Variants in ZSWIM5 observed in about 807,000 individuals in gnomAD.
The protein encoded by ZSWIM5 is zinc finger SWIM domain-containing protein 5.
ZSWIM5 carries 55 observed loss-of-function variants against 119.6 expected under a neutral mutation model. That is an observed-to-expected ratio of 0.46 (90% confidence interval 0.37 to 0.58). The LOEUF (loss-of-function observed/expected upper bound fraction) is 0.58. Among genes scored for constraint, ZSWIM5 ranks in the 20% least tolerant of loss-of-function variants. The pLI, the probability that ZSWIM5 is intolerant of heterozygous loss-of-function variation, is 0.00. For synonymous variants in ZSWIM5, 537 were observed against 606.9 expected (o/e 0.88, Z 1.69); for missense variants, 1,193 against 1,512.8 (o/e 0.79, Z 3.51).
At position 45,136,689 on chromosome 1, in the gene ZSWIM5, C is replaced by G. The variant is rs6667488; in HGVS notation, c.596-48452G>C. Among the ~76,000 whole-genome samples, 1,507 of 152,252 alleles carry G rather than the reference C, an allele frequency of 9.9e-3. 30 individuals are homozygous for G. Among genetic ancestry groups the G allele is most frequent in the African/African-American group, 0.035 (1,445 of 41,542 alleles). ...CACGTTACCTTCCTCCAAAAATTTA[C>G]TCTTCTTATTTGACAGGCAATTAAG... On this transcript the variant is annotated intron_variant, in intron 1 of 13. Coordinates refer to ENST00000359600, the MANE Select transcript of ZSWIM5 (RefSeq NM_020883.2).
chr1:45,152,028 T>C (rs900162146), intron 1 of ZSWIM5, among the ~76,000 whole-genome samples: 1 of 152,188 alleles, frequency 6.6e-6, no homozygotes, highest in Non-Finnish European at 1.5e-5. Flanking sequence ...AGATGTCTAA[T>C]TCAAGGAAGC....
intron 2 of ZSWIM5, among the ~76,000 whole-genome samples, chr1:45,084,740 C>T (rs1409361705): frequency 1.3e-5 from 2 of 152,244 alleles, no homozygotes; most frequent in Admixed American, 6.5e-5. Context: ...CTCACATCCA[C>T]GTGACAGTGA....
At chr1:45,056,335 G>A (rs1460367980) in intron 4 of ZSWIM5, among the ~76,000 whole-genome samples, 1 of 152,170 alleles carries the variant, frequency 6.6e-6, no homozygotes, top group Non-Finnish European at 1.5e-5. Flanking sequence ...ACTCACGCCT[G>A]TAATCTCAAC....
Position 45,197,323 on chromosome 1 carries a change from G to C in ZSWIM5, c.595+8433C>G, listed in dbSNP as rs111980235. ...CACAAACTCCATTCCCTTCTACTTT[G>C]ATCTACTGATCAAACCACTGATCTA... is the stretch of plus-strand genomic sequence containing the variant. On this transcript the variant is annotated intron_variant, in intron 1 of 13. Coordinates refer to ENST00000359600, the MANE Select transcript of ZSWIM5 (RefSeq NM_020883.2). Among the ~76,000 whole-genome samples, 1,124 of 152,128 alleles carry C rather than the reference G, an allele frequency of 7.4e-3. 13 individuals are homozygous for C. Among genetic ancestry groups the C allele is most frequent in the African/African-American group, 0.026 (1,078 of 41,456 alleles).
At chr1:45,193,931 CAT>C (rs899790517) in intron 1 of ZSWIM5, among the ~76,000 whole-genome samples, 1 of 139,022 alleles carries the variant, frequency 7.2e-6, no homozygotes, top group East Asian at 2.2e-4. Flanking sequence ...CATATGTGTG[CAT>C]ATGTGTATAT....
At chr1:45,175,369 T>C (rs1241909889) in intron 1 of ZSWIM5, among the ~76,000 whole-genome samples, 2 of 152,120 alleles carry the variant, frequency 1.3e-5, no homozygotes, top group Non-Finnish European at 2.9e-5. Context: ...GTTACCTTTT[T>C]CCCCTTATAA....
chr1:45,099,667 G>A (rs1270813315), intron 1 of ZSWIM5, among the ~76,000 whole-genome samples: 1 of 152,198 alleles, frequency 6.6e-6, no homozygotes, highest in African/African-American at 2.4e-5. Flanking sequence ...CTGGCAAACC[G>A]AATCCAGCAG....
At chr1:45,064,400 A>T (rs1379579146) in intron 2 of ZSWIM5, among the ~76,000 whole-genome samples, 1 of 152,210 alleles carries the variant, frequency 6.6e-6, no homozygotes, top group African/African-American at 2.4e-5. Context: ...TGTCAGGCTC[A>T]TCACAGCACT....
At chr1:45,036,386 G>A in intron 8 of ZSWIM5, 87 bp from the exon 9 acceptor site, 1 of 1,486,740 alleles carries the variant, frequency 6.7e-7, no homozygotes, top group Non-Finnish European at 8.9e-7. Context: ...ACAGAGTCTT[G>A]CTCTGTTGTC....
At chr1:45,204,286 AAAAATTAAAATTTACAGACTAATAGG>A (rs1168795927) in intron 1 of ZSWIM5, among the ~76,000 whole-genome samples, 1 of 152,196 alleles carries the variant, frequency 6.6e-6, no homozygotes, top group Non-Finnish European at 1.5e-5. Context: ...CGAAACTCAG[AAAAATTAAAATTTACAGACTAATAGG>A]AAAATGATTG....
At chr1:45,164,985 C>T (rs999926052) in intron 1 of ZSWIM5, among the ~76,000 whole-genome samples, 10 of 152,236 alleles carry the variant, frequency 6.6e-5, no homozygotes, top group East Asian at 1.9e-4. Context: ...ATCTACAGAA[C>T]TCTCCACCCC....
intron 1 of ZSWIM5, among the ~76,000 whole-genome samples, chr1:45,189,218 G>A (rs1241101544): frequency 1.3e-5 from 2 of 152,004 alleles, no homozygotes; most frequent in Non-Finnish European, 2.9e-5. Context: ...GGGAGGCTGA[G>A]GCAGGAGAAT....
chr1:45,119,892 G>A (rs1021459453), intron 1 of ZSWIM5, among the ~76,000 whole-genome samples: 2 of 152,184 alleles, frequency 1.3e-5, no homozygotes, highest in East Asian at 1.9e-4. Context: ...TTGTTCTACC[G>A]ACAAAATTAT....
intron 1 of ZSWIM5, among the ~76,000 whole-genome samples, chr1:45,100,128 T>A (rs1043472690): frequency 3.9e-5 from 6 of 152,206 alleles, no homozygotes; most frequent in African/African-American, 1.4e-4. Flanking sequence ...GCAGATGACA[T>A]GGGTGTATAT....
At chr1:45,181,005 G>C (rs1056381409) in intron 1 of ZSWIM5, among the ~76,000 whole-genome samples, 2 of 152,068 alleles carry the variant, frequency 1.3e-5, no homozygotes, top group Admixed American at 6.6e-5. Flanking sequence ...AGAAAAACTG[G>C]AAACTCTAAA....
intron 1 of ZSWIM5, among the ~76,000 whole-genome samples, chr1:45,125,910 T>A (rs1035535107): frequency 6.1e-5 from 9 of 148,290 alleles, no homozygotes; most frequent in Non-Finnish European, 1.0e-4. Context: ...TACAAAAAAA[T>A]TTTAAAAATT....
intron 1 of ZSWIM5, among the ~76,000 whole-genome samples, chr1:45,097,217 A>T (rs1355450527): frequency 2.0e-5 from 3 of 152,212 alleles, no homozygotes; most frequent in Non-Finnish European, 4.4e-5. Context: ...AGGCTGGGGA[A>T]TCCCGAGCAT....
rs891164800 is a variant in ZSWIM5, at chr1:45,180,394, T to A, written c.595+25362A>T. Among the ~76,000 whole-genome samples the A allele has an allele frequency of 6.6e-5, 10 of 152,116 alleles. No homozygotes were observed. In the East Asian group the frequency reaches 7.7e-4, roughly 12 times the overall value. The stretch of plus-strand genomic sequence containing the variant: ...AGGCTGGGGGAGGGGCGCCTGCCAT[T>A]GCCCAGGCTTGCTTAGGTAAACAAA... On this transcript the variant is annotated intron_variant, in intron 1 of 13. Transcript: ENST00000359600.
chr1:45,132,611 T>C (rs942931303), intron 1 of ZSWIM5, among the ~76,000 whole-genome samples: 1 of 152,022 alleles, frequency 6.6e-6, no homozygotes, highest in Non-Finnish European at 1.5e-5. Context: ...AAAATAATTT[T>C]TTTTCTTTTT....
Sources: allele counts gnomAD v4.1 joint callset (sites outside exome capture counted in the v4.1 genomes callset), GRCh38; gene constraint gnomAD v4.1.1; transcripts MANE v1.5; gene names NCBI Gene and HGNC (gene_info 2026-07-23, HGNC 2026-07-21).